The following CSNK2A2 variants were observed in gnomAD, a reference collection of about 807,000 sequenced individuals.
CSNK2A2 encodes casein kinase II subunit alpha'.
CSNK2A2 carries 8 observed loss-of-function variants against 54.0 expected under a neutral mutation model. The observed-to-expected ratio is 0.15, with a 90% confidence interval of 0.09 to 0.27. CSNK2A2 has a LOEUF of 0.27. CSNK2A2 is among the 10% of genes least tolerant of loss of function. CSNK2A2 has a pLI of 1.00. For missense variants in CSNK2A2, 242 were observed against 439.4 expected (o/e 0.55, Z 4.02); for synonymous variants, 141 against 153.9 (o/e 0.92, Z 0.62).
chr16:58,192,571 T>C (rs936516212), intron 2 of CSNK2A2: 2 of 152,206 alleles, frequency 1.3e-5, no homozygotes, highest in African/African-American at 4.8e-5. Flanking sequence ...CCTGGGTCCC[T>C]ATAGCCCTCG....
chr16:58,166,755 C>A, intron 8 of CSNK2A2, 71 bp from the exon 9 acceptor site: 1 of 1,092,128 alleles, frequency 9.2e-7, no homozygotes, highest in Admixed American at 1.7e-5. Context: ...GACACTGCAC[C>A]AAGGAATCAG....
Position 58,164,928 on chromosome 16 carries a change from G to A in CSNK2A2, c.976+632C>T, listed in dbSNP as rs747496417. On this transcript the variant is annotated intron_variant, in intron 10 of 11. Coordinates refer to ENST00000262506, the MANE Select transcript of CSNK2A2 (RefSeq NM_001896.4). Reference sequence around the variant, plus strand: ...ACGTTTCCCTCTTGATTCAGAAAGCGACTGAGGTAAGTCTCTCAACCTCCC... The same window carrying A: ...ACGTTTCCCTCTTGATTCAGAAAGCAACTGAGGTAAGTCTCTCAACCTCCC... 3.9e-4 allele frequency among the ~76,000 whole-genome samples: 59 copies of A among 152,200 alleles called. 1 individual carries two copies. Among genetic ancestry groups the A allele is most frequent in the Admixed American group, 2.0e-3 (31 of 15,290 alleles).
intron 4 of CSNK2A2, among the ~76,000 whole-genome samples, chr16:58,178,826 C>T (rs1363070747): frequency 1.3e-5 from 2 of 152,182 alleles, no homozygotes; most frequent in Non-Finnish European, 2.9e-5. Flanking sequence ...AATTAACACA[C>T]TTGGTATAAC....
chr16:58,174,802 C>G (rs1417956930), intron 4 of CSNK2A2, among the ~76,000 whole-genome samples: 1 of 152,178 alleles, frequency 6.6e-6, no homozygotes, highest in Non-Finnish European at 1.5e-5. Flanking sequence ...CAATTATTAA[C>G]CACAATTACA....
At chr16:58,172,594 A>G (rs1961772934) in intron 5 of CSNK2A2, among the ~76,000 whole-genome samples, 1 of 152,260 alleles carries the variant, frequency 6.6e-6, no homozygotes, top group Non-Finnish European at 1.5e-5. Context: ...AGACCACAAT[A>G]CCTGGCATGT....
intron 4 of CSNK2A2, among the ~76,000 whole-genome samples, chr16:58,181,327 C>G (rs1358924758): frequency 6.6e-6 from 1 of 152,146 alleles, no homozygotes; most frequent in African/African-American, 2.4e-5. Context: ...AAACAGAGTG[C>G]ACCGGAAACG....
At position 58,164,047 on chromosome 16, in the gene CSNK2A2, G is replaced by A. The variant is rs771434040; in HGVS notation, c.*17+7C>T. 68 of 1,602,168 alleles carry A rather than the reference G, an allele frequency of 4.2e-5. No homozygotes were observed. The highest frequency in any genetic ancestry group is 1.7e-4 in the Middle Eastern group (1 of 6,060). On this transcript the variant is annotated splice_region_variant and intron_variant, in intron 11 of 11. Transcript: ENST00000262506. ...GGTTTTATTGGCAAGCATCAATGCCGCATTACCCGTCGCTTTCCAGTCTTC... is the reference window on the plus strand; with the variant it reads ...GGTTTTATTGGCAAGCATCAATGCCACATTACCCGTCGCTTTCCAGTCTTC...
intron 3 of CSNK2A2, among the ~76,000 whole-genome samples, chr16:58,185,909 A>G (rs1962181704): frequency 6.6e-6 from 1 of 152,272 alleles, no homozygotes; most frequent in South Asian, 2.1e-4. Context: ...ACAGTTGGGC[A>G]CTTGGAATGT....
At chr16:58,169,052 G>A (rs905063922) in intron 5 of CSNK2A2, among the ~76,000 whole-genome samples, 1 of 151,768 alleles carries the variant, frequency 6.6e-6, no homozygotes, top group Non-Finnish European at 1.5e-5. Context: ...TCAGCCTCCC[G>A]AGTAGCTAGG....
At position 58,197,101 on chromosome 16, in the gene CSNK2A2, C is replaced by G; in HGVS notation, c.105-257G>C. The G allele has an allele frequency of 6.7e-6, 3 of 450,190 alleles. No homozygotes were observed. The highest frequency in any genetic ancestry group is 1.2e-5 in the Non-Finnish European group (3 of 244,276). 27.9% of individuals were successfully genotyped at this position (450,190 alleles called of 1,614,324 possible). A position where few individuals can be genotyped will look rare whatever the true frequency, so the allele number is the denominator to read the frequency against. On this transcript the variant is annotated intron_variant, in intron 1 of 11. Transcript: ENST00000262506. The surrounding 1 kb of genome is among the most constrained non-coding windows in gnomAD (Gnocchi z 4.0). ...AACGCTCTGAGCCAATCCAGAGGGG[C>G]GAGCAAAGCACCCGTCCTGAAGGCC...
chr16:58,169,248 G>C (rs1385251310), intron 5 of CSNK2A2, among the ~76,000 whole-genome samples: 2 of 152,002 alleles, frequency 1.3e-5, no homozygotes, highest in East Asian at 2.0e-4. Flanking sequence ...TTTAAAAGAG[G>C]GGGTGATGAG....
intron 2 of CSNK2A2, among the ~76,000 whole-genome samples, 175 bp from the exon 3 acceptor site, chr16:58,187,031 T>A (rs1227704385): frequency 6.6e-6 from 1 of 152,090 alleles, no homozygotes; most frequent in Middle Eastern, 3.2e-3. Context: ...CATAAGAACC[T>A]TTAACATTAA....
chr16:58,186,877 C>T (rs1293334003), intron 2 of CSNK2A2, 21 bp from the exon 3 acceptor site: 5 of 1,565,638 alleles, frequency 3.2e-6, no homozygotes, highest in Non-Finnish European at 4.4e-6. Context: ...CAAGAGTAAT[C>T]AGAAGTGAGA....
chr16:58,181,168 C>T (rs1240435522), intron 4 of CSNK2A2, among the ~76,000 whole-genome samples: 1 of 152,112 alleles, frequency 6.6e-6, no homozygotes, highest in Non-Finnish European at 1.5e-5. Flanking sequence ...GAGATTAAAT[C>T]GTAAGAACTA....
At chr16:58,172,914 T>C (rs538530568) in intron 5 of CSNK2A2, among the ~76,000 whole-genome samples, 15 of 152,340 alleles carry the variant, frequency 9.8e-5, no homozygotes, top group Non-Finnish European at 1.9e-4. Context: ...TGGGAAGACC[T>C]GCATTAGTTG....
chr16:58,180,583 A>G (rs931810434), intron 4 of CSNK2A2, among the ~76,000 whole-genome samples: 2 of 152,190 alleles, frequency 1.3e-5, no homozygotes, highest in Non-Finnish European at 2.9e-5. Flanking sequence ...TCCATATAAT[A>G]CCTATCTTAC....
At chr16:58,172,693 G>A (rs1961775332) in intron 5 of CSNK2A2, among the ~76,000 whole-genome samples, 1 of 152,206 alleles carries the variant, frequency 6.6e-6, no homozygotes, top group African/African-American at 2.4e-5. Context: ...TCCCTATGGA[G>A]TTACTGACAT....
At chr16:58,166,411 T>C (rs1567463515) in intron 9 of CSNK2A2, among the ~76,000 whole-genome samples, 173 bp downstream of exon 9, 3 of 152,188 alleles carry the variant, frequency 2.0e-5, no homozygotes, top group South Asian at 2.1e-4. Context: ...GTAAAATGAT[T>C]AAAAGACATA....
chr16:58,163,894 C>A, intron 11 of CSNK2A2, 160 bp downstream of exon 11: 3 of 560,056 alleles, frequency 5.4e-6, no homozygotes, highest in Non-Finnish European at 9.4e-6. Context: ...GAGACTAGCA[C>A]TGGGGAGTTT....
Sources: gnomAD v4.1 joint callset for allele counts (sites outside exome capture counted in the v4.1 genomes callset) on GRCh38, gnomAD v4.1.1 for gene constraint, Gnocchi (gnomAD v3.1) non-coding constraint, MANE v1.5 for transcripts, NCBI Gene and HGNC (gene_info 2026-07-23, HGNC 2026-07-21) for gene names.